Variants in CDCA5 observed in about 807,000 individuals in gnomAD.
The protein encoded by CDCA5 is sororin.
In CDCA5, 14 loss-of-function variants were observed where a neutral mutation model predicts 25.7. That is an observed-to-expected ratio of 0.54 (90% confidence interval 0.36 to 0.85). The LOEUF is 0.85. Ranked by LOEUF, CDCA5 falls within the 40% of genes least tolerant of loss-of-function variation. CDCA5 has a pLI of 0.01. For synonymous variants in CDCA5, 127 were observed against 128.7 expected, an observed-to-expected ratio of 0.99 and a Z score of 0.09; for missense variants, 307 against 324.5, an observed-to-expected ratio of 0.95 and a Z score of 0.41.
chr11:65,062,520 G>T (rs1947195394), downstream of CDCA5, among the ~76,000 whole-genome samples: 1 of 152,162 alleles, frequency 6.6e-6, no homozygotes, highest in Non-Finnish European at 1.5e-5. Context: ...TGTGTTGGCA[G>T]CTCCCGCTCC....
downstream of CDCA5, among the ~76,000 whole-genome samples, chr11:65,063,509 G>A (rs1947204482): frequency 6.6e-6 from 1 of 152,180 alleles, no homozygotes; most frequent in African/African-American, 2.4e-5. Context: ...GGACACAGTG[G>A]AACCCCATGT....
At position 65,082,593 on chromosome 11, in the gene CDCA5, G is replaced by C. The variant is rs1232017652; in HGVS notation, c.243+771C>G. On this transcript the variant is annotated intron_variant, in intron 4 of 5. Transcript: ENST00000275517. ...TTCTCCTGCCTCAGCCTCCTGAGTAGCTGGGACTATAGGCACGTGCCACCA... is the reference window on the plus strand; with the variant it reads ...TTCTCCTGCCTCAGCCTCCTGAGTACCTGGGACTATAGGCACGTGCCACCA... 2.6e-5 allele frequency among the ~76,000 whole-genome samples: 4 copies of C among 151,382 alleles called. No individual in the cohort carries two copies. In the South Asian group the frequency reaches 8.3e-4, roughly 32 times the overall value.
At position 65,084,008 on chromosome 11, in the gene CDCA5, C is replaced by A. The variant is rs1277571616; in HGVS notation, c.-30G>T. 5 of 1,595,044 alleles carry A rather than the reference C, an allele frequency of 3.1e-6. No homozygotes were observed. In the East Asian group the frequency reaches 9.0e-5, roughly 29 times the overall value. On this transcript the variant is annotated 5_prime_UTR_variant, in exon 1 of 6. Transcript: ENST00000275517. Reference sequence around the variant, plus strand: ...TAGGCTCCGTCTCGAGCTCCTCCAGCGCCGCCGCCCCGGGCGCGCGCCAAC... The same window carrying A: ...TAGGCTCCGTCTCGAGCTCCTCCAGAGCCGCCGCCCCGGGCGCGCGCCAAC...
At chr11:65,073,407 C>G (rs1288352356), downstream of CDCA5, among the ~76,000 whole-genome samples, 1 of 152,182 alleles carries the variant, frequency 6.6e-6, no homozygotes, top group African/African-American at 2.4e-5. Flanking sequence ...ATTGCAGAAC[C>G]TGTGCTCTTT....
intron 1 of CDCA5, among the ~76,000 whole-genome samples, chr11:65,071,781 G>C (rs1157529375): frequency 6.6e-6 from 1 of 152,200 alleles, no homozygotes; most frequent in Non-Finnish European, 1.5e-5. Context: ...TGAGCAGATA[G>C]ACAGACAGAC....
At chr11:65,068,378 C>T in intron 2 of CDCA5, 1 of 629,578 alleles carries the variant, frequency 1.6e-6, no homozygotes, top group South Asian at 1.7e-5. Context: ...CAGCTGGAAG[C>T]TGGGTGTGAC....
At chr11:65,074,401 T>C (rs1215726730), downstream of CDCA5, among the ~76,000 whole-genome samples, 1 of 152,154 alleles carries the variant, frequency 6.6e-6, no homozygotes, top group Non-Finnish European at 1.5e-5. Context: ...GGCTGAATAA[T>C]ATTCCACTGT....
downstream of CDCA5, among the ~76,000 whole-genome samples, chr11:65,074,426 C>CT (rs553692161): frequency 2.6e-3 from 389 of 152,310 alleles, 10 homozygotes; most frequent in Admixed American, 0.025. Context: ...ATAGGTCACA[C>CT]TTTATCCATT....
chr11:65,064,720 T>G (rs186069700), downstream of CDCA5, among the ~76,000 whole-genome samples: 255 of 152,136 alleles, frequency 1.7e-3, 3 homozygotes, highest in African/African-American at 5.6e-3. Flanking sequence ...AGGGGTGGGC[T>G]GCTAAGTCAG....
rs890642756 is a variant in CDCA5, at chr11:65,078,292, G to C, written c.*815C>G. ...AGCAGAGTGGTAAGACTCCAGCGTG[G>C]GCCCTGTGCAAGGGACCAGCCCAGA... On this transcript the variant is annotated 3_prime_UTR_variant, in exon 6 of 6. Transcript: ENST00000275517. The C allele has an allele frequency of 1.1e-5, 11 of 985,300 alleles. No individual in the cohort carries two copies. The African/African-American group carries it at 1.9e-4, about 17-fold the overall frequency. 61.0% of individuals were successfully genotyped at this position (985,300 alleles called of 1,614,324 possible).
At chr11:65,066,940 C>G (rs920572214) in intron 4 of CDCA5, 2 of 1,173,974 alleles carry the variant, frequency 1.7e-6, no homozygotes, top group African/African-American at 3.1e-5. Flanking sequence ...GCAGCACTCC[C>G]CACCCCTCCC....
At chr11:65,079,984 G>A (rs1947532459) in intron 4 of CDCA5, among the ~76,000 whole-genome samples, 197 bp from the exon 5 acceptor site, 1 of 150,904 alleles carries the variant, frequency 6.6e-6, no homozygotes, top group Non-Finnish European at 1.5e-5. Flanking sequence ...TCCGCCTCCC[G>A]GGTTCACGCC....
chr11:65,072,943 T>TA (rs1038410012), downstream of CDCA5, among the ~76,000 whole-genome samples: 9 of 145,330 alleles, frequency 6.2e-5, no homozygotes, highest in Non-Finnish European at 1.4e-4. Flanking sequence ...TCATTCTTTT[T>TA]TTTTTTTTTT....
chr11:65,077,869 C>T lies in CDCA5; in HGVS notation c.*1238G>A. 2 of 985,778 alleles carry T rather than the reference C, an allele frequency of 2.0e-6. No homozygotes were observed. Among genetic ancestry groups the T allele is most frequent in the Non-Finnish European group, 2.4e-6 (2 of 830,076 alleles). The allele number at this position is 985,778 out of a possible 1,614,324, so 61.1% of individuals were successfully genotyped here. A position where few individuals can be genotyped will look rare whatever the true frequency, so the allele number is the denominator to read the frequency against. ...TCTGTTATCCACCAGCTCCTCTGCA[C>T]ACCTCAGCGTCTACTTCCACGAACT... On this transcript the variant is annotated 3_prime_UTR_variant, in exon 6 of 6. Transcript: ENST00000275517.
chr11:65,063,536 T>C (rs1407894858), downstream of CDCA5, among the ~76,000 whole-genome samples: 1 of 152,234 alleles, frequency 6.6e-6, no homozygotes, highest in Non-Finnish European at 1.5e-5. Context: ...TGAAGATGTG[T>C]GTCCAGGCAC....
At position 65,083,403 on chromosome 11, in the gene CDCA5, C is replaced by T. The variant is rs1205028087; in HGVS notation, c.208-4G>A. 1.9e-6 allele frequency: 3 copies of T among 1,614,176 alleles called. No homozygotes were observed. Among genetic ancestry groups the T allele is most frequent in the East Asian group, 2.2e-5 (1 of 44,888 alleles). On this transcript the variant is annotated splice_polypyrimidine_tract_variant and splice_region_variant and intron_variant, in intron 3 of 5. Transcript: ENST00000275517. ...GAGGTGATTGGACAGCTGGGACCTGCGGGGGACAATACCAATTGATCACAT... is the reference window on the plus strand; with the variant it reads ...GAGGTGATTGGACAGCTGGGACCTGTGGGGGACAATACCAATTGATCACAT...
In CDCA5 at chr11:65,066,475, T is replaced by A. The variant is rs1484551179; in HGVS notation, c.564-2A>T. 7.8e-7 allele frequency: 1 copy of A among 1,288,290 alleles called. No individual in the cohort carries two copies. Among genetic ancestry groups the A allele is most frequent in the South Asian group, 1.2e-5 (1 of 80,972 alleles). 79.8% of individuals were successfully genotyped at this position (1,288,290 alleles called of 1,614,324 possible). On this transcript the variant is annotated splice_acceptor_variant, in intron 6 of 6. Coordinates refer to the CDCA5 transcript ENST00000525464. LOFTEE classifies it high-confidence loss of function. ...CCTGCCTTCCGGGGGTTTGGGTCAC[T>A]GCAGGCAGAGACAGCTCGAGTGAGC...
downstream of CDCA5, among the ~76,000 whole-genome samples, chr11:65,076,453 T>C (rs1042198698): frequency 6.6e-6 from 1 of 151,988 alleles, no homozygotes; most frequent in South Asian, 2.1e-4. Context: ...ATAAAAGCCA[T>C]TTAGGACTTG....
At position 65,078,838 on chromosome 11, in the gene CDCA5, T is replaced by C; in HGVS notation, c.*269A>G. The C allele has an allele frequency of 1.7e-6, 2 of 1,185,278 alleles. No individual in the cohort carries two copies. The highest frequency in any genetic ancestry group is 1.6e-5 in the African/African-American group (1 of 63,610). 73.4% of individuals were successfully genotyped at this position (1,185,278 alleles called of 1,614,324 possible). On this transcript the variant is annotated 3_prime_UTR_variant, in exon 6 of 6. Transcript: ENST00000275517. ...CCCAGTCTGTGGCCCATCTGGAAAC[T>C]GGCTATGGTACTTTGGGGAGATAGG... is the stretch of plus-strand genomic sequence containing the variant.
Sources: gnomAD v4.1 joint callset for allele counts (sites outside exome capture counted in the v4.1 genomes callset) on GRCh38, gnomAD v4.1.1 for gene constraint, MANE v1.5 for transcripts, NCBI Gene and HGNC (gene_info 2026-07-23, HGNC 2026-07-21) for gene names.